The following BICRA variants were observed in gnomAD, a reference collection of about 807,000 sequenced individuals.
The protein encoded by BICRA is BRD4-interacting chromatin-remodeling complex-associated protein.
A neutral mutation model predicts 96.9 loss-of-function variants in BICRA; 31 were observed. The ratio of observed to expected loss-of-function variants is 0.32; its 90% CI spans 0.24 to 0.43. The LOEUF (loss-of-function observed/expected upper bound fraction) is 0.43. Among genes scored for constraint, BICRA ranks in the 20% least tolerant of loss-of-function variants. BICRA has a pLI of 1.00. For synonymous variants in BICRA, 1,350 were observed against 1,071.8 expected (o/e 1.26, Z -5.07); for missense variants, 2,283 against 2,190.3 (o/e 1.04, Z -0.84).
intron 1 of BICRA, among the ~76,000 whole-genome samples, chr19:47,668,365 G>A (rs1438907336): frequency 6.6e-6 from 1 of 152,130 alleles, no homozygotes; most frequent in East Asian, 1.9e-4. Context: ...CAAAAAAATT[G>A]AGCTGCCTGA....
chr19:47,667,495 G>A (rs1439352871), intron 1 of BICRA, among the ~76,000 whole-genome samples: 1 of 152,112 alleles, frequency 6.6e-6, no homozygotes, highest in Non-Finnish European at 1.5e-5. Context: ...CAGAGCTTGG[G>A]CCACGCCTAC....
Position 47,679,909 on chromosome 19 carries a change from A to G in BICRA, c.739A>G (p.Thr247Ala), listed in dbSNP as rs1276622418. The change falls in exon 6 of 15, where the codon ACG becomes GCG. Residue 247 changes from threonine (T) to alanine (A), a missense_variant. Physicochemically the swap from Thr to Ala is moderately conservative, Grantham distance 58. Transcript: ENST00000594866. ...VVGQPVMALNTPTSQLLAKQV... is the reference protein window; with the variant it reads ...VVGQPVMALNAPTSQLLAKQV... ...GGGCCAGCCCGTCATGGCGCTCAAC[A>G]CGCCCACCTCCCAGCTCCTGGCCAA... is the stretch of plus-strand genomic sequence containing the variant. 6.6e-7 allele frequency: 1 copy of G among 1,520,834 alleles called. No individual in the cohort carries two copies. Among genetic ancestry groups the G allele is most frequent in the African/African-American group, 1.4e-5 (1 of 71,154 alleles). The allele number at this position is 1,520,834 out of a possible 1,614,324, so 94.2% of individuals were successfully genotyped here.
chr19:47,653,653 G>A (rs527313005), intron 1 of BICRA, among the ~76,000 whole-genome samples: 3 of 152,254 alleles, frequency 2.0e-5, no homozygotes, highest in African/African-American at 4.8e-5. Context: ...GGTGTCATGC[G>A]TTCCAGGTTC....
intron 1 of BICRA, among the ~76,000 whole-genome samples, chr19:47,664,338 A>G (rs976146191): frequency 1.3e-5 from 2 of 152,172 alleles, no homozygotes; most frequent in Admixed American, 1.3e-4. Context: ...GGAGGAATTC[A>G]CACAATTTTC....
rs1033200149 is a variant in BICRA at position 47,638,620 on chromosome 19, C to CACAT, written c.-108+29455_-108+29456insTACA. Among the ~76,000 whole-genome samples the CACAT allele has an allele frequency of 1.0e-3, 156 of 151,876 alleles. 1 individual carries two copies. The Middle Eastern group carries it at 0.024, about 23-fold the overall frequency. On this transcript the variant is annotated intron_variant, in intron 1 of 14. Coordinates refer to ENST00000594866, the MANE Select transcript of BICRA (RefSeq NM_001394372.1). ...TTTCTCTCTCTCTCTCTGTCACACA[C>CACAT]ACACACACACACACACTTTTTAAGG...
intron 7 of BICRA, among the ~76,000 whole-genome samples, chr19:47,693,458 T>G (rs1319490187): frequency 6.6e-6 from 1 of 152,162 alleles, no homozygotes; most frequent in African/African-American, 2.4e-5. Flanking sequence ...CCAGGACACT[T>G]AGAAGGGGGT....
intron 7 of BICRA, among the ~76,000 whole-genome samples, chr19:47,683,904 G>T (rs1021725362): frequency 6.6e-6 from 1 of 152,144 alleles, no homozygotes; most frequent in African/African-American, 2.4e-5. Context: ...TTCTAGAGCA[G>T]TGAATGTGGT....
chr19:47,670,859 C>T (rs1401873682), intron 2 of BICRA, among the ~76,000 whole-genome samples: 5 of 152,098 alleles, frequency 3.3e-5, no homozygotes, highest in Non-Finnish European at 5.9e-5. Context: ...AGGTCATGGA[C>T]CTGGTGACAC....
At chr19:47,641,722 T>C (rs1256343700) in intron 1 of BICRA, among the ~76,000 whole-genome samples, 1 of 152,200 alleles carries the variant, frequency 6.6e-6, no homozygotes, top group Non-Finnish European at 1.5e-5. Flanking sequence ...TTTTTTTCTA[T>C]TCCTGTGAAC....
Position 47,702,686 on chromosome 19 carries a change from T to G in BICRA, c.*271T>G. 1 of 481,492 alleles carries G rather than the reference T, an allele frequency of 2.1e-6. No homozygotes were observed. 29.8% of individuals were successfully genotyped at this position (481,492 alleles called of 1,614,324 possible). On this transcript the variant is annotated 3_prime_UTR_variant, in exon 15 of 15. Coordinates refer to ENST00000594866, the MANE Select transcript of BICRA (RefSeq NM_001394372.1). Reference sequence around the variant, plus strand: ...CTGTGTCAGTTCCTGTTTCTTCCCATTTCCTGGCACACTCTGCCCCTCTGT... The same window carrying G: ...CTGTGTCAGTTCCTGTTTCTTCCCAGTTCCTGGCACACTCTGCCCCTCTGT...
chr19:47,695,181 G>A, intron 9 of BICRA, 101 bp downstream of exon 9: 1 of 858,754 alleles, frequency 1.2e-6, no homozygotes, highest in Non-Finnish European at 1.8e-6. Flanking sequence ...GTGGGACTCA[G>A]CACAGGGCAT....
At chr19:47,695,342 T>TCCCACCCCCCCCCCCCCCCC in intron 9 of BICRA, 23 bp from the exon 10 acceptor site, 1 of 630,200 alleles carries the variant, frequency 1.6e-6, no homozygotes, top group Non-Finnish European at 2.8e-6. Context: ...AGGCCCTGTC[T>TCCCACCCCCCCCCCCCCCCC]CCCCCACCCC....
intron 1 of BICRA, among the ~76,000 whole-genome samples, chr19:47,620,561 G>C (rs781778196): frequency 6.7e-6 from 1 of 150,340 alleles, no homozygotes; most frequent in Admixed American, 6.7e-5. Context: ...CCAGCAACTT[G>C]GGAAGCTGAG....
chr19:47,620,948 C>T (rs895773319), intron 1 of BICRA, among the ~76,000 whole-genome samples: 2 of 152,146 alleles, frequency 1.3e-5, no homozygotes, highest in African/African-American at 2.4e-5. Context: ...GAGCCCCACT[C>T]GATCTCTGTC....
At position 47,681,161 on chromosome 19, in the gene BICRA, C is replaced by T; in HGVS notation, c.1991C>T (p.Pro664Leu). ...GCCGCCCCGCCTCAGGCCACCACCC[C>T]CCAGCCCAGCCCTGGCCTGGCGTCT... is the stretch of plus-strand genomic sequence containing the variant. ...QAAAPPQATT[P>L]QPSPGLASSP... The change falls in exon 6 of 15, where the codon CCC (proline) becomes CTC (leucine). Residue 664 changes from proline to leucine, a missense_variant. Transcript: ENST00000594866. 2.0e-6 allele frequency: 3 copies of T among 1,519,190 alleles called. No homozygotes were observed. Among genetic ancestry groups the T allele is most frequent in the Non-Finnish European group, 2.6e-6 (3 of 1,132,400 alleles). 94.1% of individuals were successfully genotyped at this position (1,519,190 alleles called of 1,614,324 possible).
chr19:47,701,302 G>T lies in BICRA; in HGVS notation c.3596-26G>T. On this transcript the variant is annotated intron_variant, in intron 14 of 14. Coordinates refer to ENST00000594866, the MANE Select transcript of BICRA (RefSeq NM_001394372.1). The surrounding 1 kb of genome is among the most constrained non-coding windows in gnomAD (Gnocchi z 5.4). ...CGGGGGGTCCTCATCCTAACCCCGC[G>T]GGTTTTCTTTGCCCCGATTCTGCAG... 1 of 1,581,078 alleles carries T rather than the reference G, an allele frequency of 6.3e-7. No homozygotes were observed. The highest frequency in any genetic ancestry group is 1.1e-5 in the South Asian group (1 of 90,114).
Position 47,682,136 on chromosome 19 carries a change from C to T in BICRA, c.2267C>T (p.Pro756Leu), listed in dbSNP as rs757476003. 1.1e-5 allele frequency: 16 copies of T among 1,473,496 alleles called. No individual in the cohort carries two copies. The African/African-American group carries it at 1.1e-4, about 10-fold the overall frequency. 91.3% of individuals were successfully genotyped at this position (1,473,496 alleles called of 1,614,324 possible). A position where few individuals can be genotyped will look rare whatever the true frequency, so the allele number is the denominator to read the frequency against. ...CAGGCCCCCGACAGCCAGGCTTCCC[C>T]GGCTCCGGCCCCCCAGGTAGAGGGA... is the stretch of plus-strand genomic sequence containing the variant. ...GPQAPDSQAS[P>L]APAPQIPAAA... Residue 756 changes from proline to leucine, a missense_variant, in exon 7 of 15, where the codon CCG becomes CTG. By Grantham distance (98) the Pro-to-Leu change is moderately conservative. Coordinates refer to ENST00000594866, the MANE Select transcript of BICRA (RefSeq NM_001394372.1).
chr19:47,698,587 C>CAA lies in BICRA; in HGVS notation c.3249-47_3249-46insAA. ...GGGACTTCCCCTGGCCCTCACCCGT[C>CAA]CCCCCCACCCTCCGCCGTGTGTGGT... On this transcript the variant is annotated intron_variant, in intron 11 of 14. Coordinates refer to ENST00000594866, the MANE Select transcript of BICRA (RefSeq NM_001394372.1). This position sits in a 1 kb window ranked among gnomAD's most constrained non-coding sequence, Gnocchi z 4.8. 1 of 563,620 alleles carries CAA rather than the reference C, an allele frequency of 1.8e-6. No homozygotes were observed. The highest frequency in any genetic ancestry group is 1.9e-5 in the African/African-American group (1 of 52,790). 34.9% of individuals were successfully genotyped at this position (563,620 alleles called of 1,614,324 possible).
chr19:47,702,005 AC>A lies in BICRA; in HGVS notation c.4275del (p.Ser1426AlafsTer19). ...APLPAKVDEA[T>X]SGLIRELAAV... ...GCTGCCCGCCAAAGTGGACGAGGCC[AC>A]CAGCGGGCTCATCCGCGAGCTGGCG... On this transcript the variant is annotated frameshift_variant, in exon 15 of 15. Transcript: ENST00000594866. LOFTEE classifies it high-confidence loss of function. 1 of 1,487,004 alleles carries A rather than the reference AC, an allele frequency of 6.7e-7. No homozygotes were observed. Among genetic ancestry groups the A allele is most frequent in the Non-Finnish European group, 8.9e-7 (1 of 1,127,464 alleles). The allele number at this position is 1,487,004 out of a possible 1,614,324, so 92.1% of individuals were successfully genotyped here.
Sources: gnomAD v4.1 joint callset for allele counts (sites outside exome capture counted in the v4.1 genomes callset) on GRCh38, gnomAD v4.1.1 for gene constraint, Gnocchi (gnomAD v3.1) non-coding constraint, MANE v1.5 for transcripts, NCBI Gene and HGNC (gene_info 2026-07-23, HGNC 2026-07-21) for gene names.